Variants in MAGI1 observed in about 807,000 individuals in gnomAD.
The protein encoded by MAGI1 is membrane-associated guanylate kinase, WW and PDZ domain-containing protein 1.
In MAGI1, 58 loss-of-function variants were observed where a neutral mutation model predicts 139.9. The ratio of observed to expected loss-of-function variants is 0.41; its 90% CI spans 0.34 to 0.52. The LOEUF (loss-of-function observed/expected upper bound fraction) is 0.52. Among genes scored for constraint, MAGI1 ranks in the 20% least tolerant of loss-of-function variants. The pLI, the probability that MAGI1 is intolerant of heterozygous loss-of-function variation, is 0.12. For missense variants in MAGI1, 1,874 were observed against 1,901.6 expected (o/e 0.99, Z 0.27); for synonymous variants, 812 against 737.9 (o/e 1.10, Z -1.63).
At chr3:65,979,094 C>CCCCG (rs1553742284) in intron 1 of MAGI1, among the ~76,000 whole-genome samples, 2 of 53,056 alleles carry the variant, frequency 3.8e-5, no homozygotes, top group East Asian at 1.5e-3. Flanking sequence ...TTCTTCCCCC[C>CCCCG]CCCCGCCACC....
intron 1 of MAGI1, among the ~76,000 whole-genome samples, chr3:66,026,877 A>C (rs1266584140): frequency 2.0e-5 from 3 of 152,050 alleles, no homozygotes; most frequent in African/African-American, 7.2e-5. Context: ...CAAAAGGGCC[A>C]GCCTAAGACC....
At chr3:65,773,574 G>C (rs576525354) in intron 1 of MAGI1, among the ~76,000 whole-genome samples, 3 of 152,090 alleles carry the variant, frequency 2.0e-5, no homozygotes, top group Non-Finnish European at 4.4e-5. Flanking sequence ...TCACTGGTAG[G>C]TAAACTCAGA....
intron 2 of MAGI1, among the ~76,000 whole-genome samples, chr3:65,542,759 G>C (rs1576260374): frequency 1.3e-5 from 2 of 152,168 alleles, no homozygotes; most frequent in Non-Finnish European, 2.9e-5. Flanking sequence ...ACTCGAGATG[G>C]AGTAAAGACT....
At chr3:65,898,052 T>C (rs868510306) in intron 1 of MAGI1, among the ~76,000 whole-genome samples, 46 of 152,310 alleles carry the variant, frequency 3.0e-4, no homozygotes, top group African/African-American at 1.0e-3. Context: ...GATACAGCCA[T>C]AAACAGCTTT....
At chr3:65,800,071 T>C (rs1354722937) in intron 1 of MAGI1, among the ~76,000 whole-genome samples, 1 of 152,248 alleles carries the variant, frequency 6.6e-6, no homozygotes, top group East Asian at 1.9e-4. Context: ...GCGTTGGGCA[T>C]GTTACTTTCC....
At chr3:65,914,256 G>C (rs1057512086) in intron 1 of MAGI1, 3 of 151,470 alleles carry the variant, frequency 2.0e-5, no homozygotes, top group African/African-American at 7.3e-5. Context: ...GAAAAGCCTG[G>C]AAAAAAAAGT....
intron 1 of MAGI1, among the ~76,000 whole-genome samples, chr3:66,011,515 C>T (rs2067319336): frequency 6.6e-6 from 1 of 152,132 alleles, no homozygotes; most frequent in African/African-American, 2.4e-5. Flanking sequence ...GATCCCCCTC[C>T]AAGACTTGTG....
intron 10 of MAGI1, among the ~76,000 whole-genome samples, chr3:65,435,621 C>A (rs73129698): frequency 0.29 from 43,511 of 151,988 alleles, 7,393 homozygotes; most frequent in East Asian, 0.7. Flanking sequence ...GAATCATAGT[C>A]TCTTGCCTCC....
At chr3:65,559,980 G>A (rs891374520) in intron 2 of MAGI1, among the ~76,000 whole-genome samples, 3 of 152,138 alleles carry the variant, frequency 2.0e-5, no homozygotes, top group Admixed American at 6.5e-5. Flanking sequence ...TGGCTACAAT[G>A]AGCCAAGATT....
chr3:65,688,296 G>A, intron 1 of MAGI1: 4 of 825,714 alleles, frequency 4.8e-6, no homozygotes, highest in Middle Eastern at 2.4e-4. Context: ...CCTTGGCCAG[G>A]AGGGTGATGC....
intron 1 of MAGI1, among the ~76,000 whole-genome samples, chr3:65,696,011 C>T (rs1028315300): frequency 6.6e-6 from 1 of 152,206 alleles, no homozygotes; most frequent in Non-Finnish European, 1.5e-5. Flanking sequence ...AACCCTCCAA[C>T]AGCTCCTCTT....
At chr3:65,887,747 T>C (rs140401528) in intron 1 of MAGI1, among the ~76,000 whole-genome samples, 4 of 152,290 alleles carry the variant, frequency 2.6e-5, no homozygotes, top group African/African-American at 9.6e-5. Flanking sequence ...CAGTTCATCT[T>C]TGAGCTTCGA....
intron 2 of MAGI1, among the ~76,000 whole-genome samples, chr3:65,599,251 C>G (rs145704650): frequency 1.3e-5 from 2 of 152,028 alleles, no homozygotes; most frequent in East Asian, 1.9e-4. Flanking sequence ...TTTACGGGTG[C>G]GGGAGAAAGG....
intron 1 of MAGI1, among the ~76,000 whole-genome samples, chr3:65,817,348 C>T (rs984444086): frequency 4.6e-5 from 7 of 152,218 alleles, no homozygotes; most frequent in Admixed American, 2.6e-4. Context: ...GCTAATTGTA[C>T]GTATAAATCC....
chr3:66,037,679 T>G (rs1354583822), intron 1 of MAGI1, among the ~76,000 whole-genome samples: 2 of 152,096 alleles, frequency 1.3e-5, no homozygotes, highest in Non-Finnish European at 2.9e-5. Flanking sequence ...TGCCCCTGAC[T>G]CAGTTCCCCA....
At chr3:65,454,405 T>C (rs965768500) in intron 5 of MAGI1, among the ~76,000 whole-genome samples, 5 of 147,074 alleles carry the variant, frequency 3.4e-5, no homozygotes, top group Admixed American at 1.3e-4. Flanking sequence ...GGGAGAGGGA[T>C]AGCATTGGGA....
intron 1 of MAGI1, chr3:65,688,508 G>A (rs568440138): frequency 2.3e-6 from 1 of 440,244 alleles, no homozygotes; most frequent in South Asian, 1.9e-5. Context: ...GGGGAAGACT[G>A]AGGCTTAAGG....
intron 1 of MAGI1, among the ~76,000 whole-genome samples, chr3:65,850,469 A>G (rs1354013967): frequency 6.6e-6 from 1 of 152,190 alleles, no homozygotes; most frequent in Non-Finnish European, 1.5e-5. Flanking sequence ...TGAAGTGTCA[A>G]GATAAGCAAG....
intron 1 of MAGI1, among the ~76,000 whole-genome samples, chr3:65,629,541 C>T (rs73127837): frequency 0.17 from 24,426 of 143,266 alleles, 2,615 homozygotes; most frequent in Non-Finnish European, 0.24. Flanking sequence ...ATGGTATGTA[C>T]TGCAGTGGTG....
Sources: allele counts gnomAD v4.1 joint callset (sites outside exome capture counted in the v4.1 genomes callset), GRCh38; gene constraint gnomAD v4.1.1; transcripts MANE v1.5; gene names NCBI Gene and HGNC (gene_info 2026-07-23, HGNC 2026-07-21).